FRAS1: variants seen among roughly 807,000 people sequenced by gnomAD.
FRAS1 encodes extracellular matrix organizing protein FRAS1.
A neutral mutation model predicts 435.2 loss-of-function variants in FRAS1; 290 were observed. That is an observed-to-expected ratio of 0.67 (90% CI 0.61 to 0.73). The LOEUF is 0.73. Among genes scored for constraint, FRAS1 ranks in the 30% least tolerant of loss-of-function variants. The pLI is 0.00. For synonymous variants in FRAS1, 1,800 were observed against 1,851.0 expected, an observed-to-expected ratio of 0.97 and a Z score of 0.71; for missense variants, 4,860 against 5,001.5, an observed-to-expected ratio of 0.97 and a Z score of 0.85.
chr4:78,244,029 A>G (rs1725124518), intron 3 of FRAS1, among the ~76,000 whole-genome samples: 1 of 152,164 alleles, frequency 6.6e-6, no homozygotes, highest in African/African-American at 2.4e-5. Context: ...CATAGTATGT[A>G]TAATTTCATA....
intron 29 of FRAS1, among the ~76,000 whole-genome samples, chr4:78,388,152 C>T (rs967462533): frequency 1.3e-5 from 2 of 151,874 alleles, no homozygotes; most frequent in Non-Finnish European, 2.9e-5. Flanking sequence ...GGTGAAACCC[C>T]GTCTCTACTG....
chr4:78,104,352 C>T (rs1020677703), intron 2 of FRAS1, among the ~76,000 whole-genome samples: 2 of 152,146 alleles, frequency 1.3e-5, no homozygotes, highest in African/African-American at 4.8e-5. Flanking sequence ...ATCAAAGGGC[C>T]TGAGATAGTA....
intron 2 of FRAS1, among the ~76,000 whole-genome samples, chr4:78,146,876 GT>G (rs1720442323): frequency 6.6e-6 from 1 of 151,922 alleles, no homozygotes; most frequent in Admixed American, 6.6e-5. Context: ...ATAATTACAT[GT>G]TTTTTGTTTG....
intron 2 of FRAS1, among the ~76,000 whole-genome samples, chr4:78,186,124 G>A (rs1722257133): frequency 6.6e-6 from 1 of 152,132 alleles, no homozygotes; most frequent in African/African-American, 2.4e-5. Context: ...GATAACCTAT[G>A]GTTAAACTTG....
At chr4:78,487,339 A>G (rs1353850190) in intron 58 of FRAS1, among the ~76,000 whole-genome samples, 3 of 152,198 alleles carry the variant, frequency 2.0e-5, no homozygotes, top group African/African-American at 7.2e-5. Context: ...TTCTGGAGTC[A>G]CAGAGAGCTT....
intron 2 of FRAS1, among the ~76,000 whole-genome samples, chr4:78,123,076 C>G (rs1013065642): frequency 3.3e-5 from 5 of 152,116 alleles, no homozygotes; most frequent in African/African-American, 1.2e-4. Flanking sequence ...AATGGTATTG[C>G]CCAGGTTTTC....
intron 2 of FRAS1, among the ~76,000 whole-genome samples, chr4:78,119,725 A>G (rs1718902565): frequency 6.6e-6 from 1 of 152,158 alleles, no homozygotes; most frequent in Non-Finnish European, 1.5e-5. Flanking sequence ...CACGTAACAC[A>G]GTTCTGAGGA....
At chr4:78,372,517 A>G (rs1731555284) in intron 23 of FRAS1, among the ~76,000 whole-genome samples, 1 of 152,210 alleles carries the variant, frequency 6.6e-6, no homozygotes, top group Non-Finnish European at 1.5e-5. Flanking sequence ...GTCCGTGTCT[A>G]ACATAATTAG....
intron 47 of FRAS1, among the ~76,000 whole-genome samples, chr4:78,453,007 T>C (rs1719073265): frequency 6.6e-6 from 1 of 150,798 alleles, no homozygotes; most frequent in Non-Finnish European, 1.5e-5. Flanking sequence ...AGAATTTGTA[T>C]TCTTTCCAGA....
rs758458998 is a variant in FRAS1 at position 78,446,870 on chromosome 4, G to A, written c.6000G>A (p.Lys2000=). 3 of 1,608,188 alleles carry A rather than the reference G, an allele frequency of 1.9e-6. No individual in the cohort carries two copies. Among genetic ancestry groups the A allele is most frequent in the East Asian group, 2.2e-5 (1 of 44,732 alleles). Residue 2000 remains lysine, a synonymous_variant, in exon 43 of 74, where the codon AAG becomes AAA. Transcript: ENST00000512123. The part of the protein sequence containing the change: ...DNELIFVLTK[K]PDHGHVLWRQ... The stretch of plus-strand genomic sequence containing the variant: ...AGCTCATTTTTGTATTGACAAAAAA[G>A]CCTGACCACGGTAGGGCACGAACTG...
In FRAS1 at chr4:78,303,161, T is replaced by C. The variant is rs150100786; in HGVS notation, c.1535-4905T>C. On this transcript the variant is annotated intron_variant, in intron 14 of 73. Transcript: ENST00000512123. ...TTTCTCAGGGTTGCCAAAGATAAGA[T>C]AGTTGTAGATATGCGGCATTATTTC... Among the ~76,000 whole-genome samples, 1,258 of 152,300 alleles carry C rather than the reference T, an allele frequency of 8.3e-3. 22 individuals are homozygous for C. The highest frequency in any genetic ancestry group is 0.029 in the African/African-American group (1,186 of 41,534).
intron 20 of FRAS1, among the ~76,000 whole-genome samples, chr4:78,354,023 T>TAAAAAAA (rs767987937): frequency 1.9e-5 from 2 of 106,060 alleles, no homozygotes; most frequent in Admixed American, 1.1e-4. Context: ...AAAAATAAAA[T>TAAAAAAA]AAAAAAAAAA....
intron 54 of FRAS1, among the ~76,000 whole-genome samples, chr4:78,476,603 A>G (rs13147631): frequency 0.57 from 86,957 of 152,032 alleles, 26,844 homozygotes; most frequent in South Asian, 0.82. Context: ...TAAGTGAGGA[A>G]TTAGGAAAGA....
chr4:78,460,742 A>G (rs974397969), intron 47 of FRAS1, among the ~76,000 whole-genome samples: 5 of 152,242 alleles, frequency 3.3e-5, no homozygotes, highest in African/African-American at 1.2e-4. Flanking sequence ...ACTGTAGACA[A>G]TTGTAACATG....
At chr4:78,444,378 G>A (rs1452456378) in intron 41 of FRAS1, among the ~76,000 whole-genome samples, 1 of 151,950 alleles carries the variant, frequency 6.6e-6, no homozygotes, top group Non-Finnish European at 1.5e-5. Context: ...AAAAATTCAT[G>A]TTATTGAAGA....
chr4:78,115,320 G>C (rs1045658044), intron 2 of FRAS1, among the ~76,000 whole-genome samples: 39 of 152,214 alleles, frequency 2.6e-4, no homozygotes, highest in Non-Finnish European at 5.6e-4. Flanking sequence ...CCAGGCTTTG[G>C]TATCAGGATG....
chr4:78,293,131 G>A (rs1048260041), intron 14 of FRAS1, among the ~76,000 whole-genome samples: 1 of 152,180 alleles, frequency 6.6e-6, no homozygotes, highest in South Asian at 2.1e-4. Flanking sequence ...TCAATGGGAG[G>A]AGAGTGCCTC....
rs746130442 is a variant in FRAS1, at chr4:78,379,956, G to A, written c.3523G>A (p.Glu1175Lys). ...AGRFSWKDVNEKKVRFVHSKE... is the reference protein window; with the variant it reads ...AGRFSWKDVNKKKVRFVHSKE... ...CCGTTTTAGCTGGAAAGATGTGAAC[G>A]AGAAGAAAGTGCGTTTTGTGCACAG... Residue 1175 changes from glutamate (E) to lysine (K), a missense_variant, in exon 27 of 74, where the codon GAG becomes AAG. By Grantham distance (56) the Glu-to-Lys change is moderately conservative. Transcript: ENST00000512123. 14 of 1,613,478 alleles carry A rather than the reference G, an allele frequency of 8.7e-6. No individual in the cohort carries two copies. Among genetic ancestry groups the A allele is most frequent in the East Asian group, 4.5e-5 (2 of 44,890 alleles).
intron 2 of FRAS1, among the ~76,000 whole-genome samples, chr4:78,097,555 G>A (rs908535015): frequency 6.6e-6 from 1 of 152,216 alleles, no homozygotes; most frequent in African/African-American, 2.4e-5. Flanking sequence ...TGGAAGGCAA[G>A]GATGAGCAAG....
Sources: allele counts gnomAD v4.1 joint callset (sites outside exome capture counted in the v4.1 genomes callset), GRCh38; gene constraint gnomAD v4.1.1; transcripts MANE v1.5; gene names NCBI Gene and HGNC (gene_info 2026-07-23, HGNC 2026-07-21).